ATP10B: variants seen among roughly 807,000 people sequenced by gnomAD.
The protein encoded by ATP10B is phospholipid-transporting ATPase VB.
ATP10B carries 122 observed loss-of-function variants against 141.2 expected under a neutral mutation model. The observed-to-expected ratio is 0.86, with a 90% confidence interval of 0.75 to 1.00. The LOEUF (loss-of-function observed/expected upper bound fraction) is 1.00, where lower values mean the gene tolerates loss of function less well. ATP10B is among the 50% of genes least tolerant of loss of function. The probability of loss-of-function intolerance (pLI) is 0.00; values close to 1 mark genes in which losing one functional copy is unlikely to be tolerated. For synonymous variants in ATP10B, 685 were observed against 692.0 expected (o/e 0.99, Z 0.16); for missense variants, 1,876 against 1,825.3 (o/e 1.03, Z -0.51).
rs1008484887 is a variant in ATP10B at position 160,618,055 on chromosome 5, A to G, written c.2417-82T>C. On this transcript the variant is annotated intron_variant, in intron 15 of 25. Transcript: ENST00000327245. ...TCCCCAATACCCTGGAATCTCCTGT[A>G]GTAGACTACAAATACTTTAGAGAAG... 28 of 1,075,462 alleles carry G rather than the reference A, an allele frequency of 2.6e-5. No individual in the cohort carries two copies. In the Admixed American group the frequency reaches 4.7e-4, roughly 18 times the overall value. 66.6% of individuals were successfully genotyped at this position (1,075,462 alleles called of 1,614,324 possible).
At chr5:160,597,776 C>A (rs1383341518) in intron 22 of ATP10B, among the ~76,000 whole-genome samples, 2 of 152,022 alleles carry the variant, frequency 1.3e-5, no homozygotes, top group Non-Finnish European at 2.9e-5. Flanking sequence ...ATTTACGCAG[C>A]CAAAAAACAT....
At chr5:160,755,835 AAAAATATATATATATATATATAT>A (rs1255364205) in intron 2 of ATP10B, among the ~76,000 whole-genome samples, 39 of 78,958 alleles carry the variant, frequency 4.9e-4, no homozygotes, top group African/African-American at 1.8e-3. Flanking sequence ...AAAAAAAAAA[AAAAATATATATATATATATATAT>A]ATATATATAT....
chr5:160,636,293 A>G lies in ATP10B; in HGVS notation c.1017T>C (p.Asn339=), dbSNP rs1367159917. 1 of 1,613,354 alleles carries G rather than the reference A, an allele frequency of 6.2e-7. No homozygotes were observed. Among genetic ancestry groups the G allele is most frequent in the Non-Finnish European group, 8.5e-7 (1 of 1,179,646 alleles). Residue 339 remains asparagine, a synonymous_variant, in exon 11 of 26, where the codon AAT becomes AAC. Coordinates refer to ENST00000327245, the MANE Select transcript of ATP10B (RefSeq NM_025153.3). The stretch of plus-strand genomic sequence containing the variant: ...AGGGAGGGTGTTCTTCAAAGGTCCC[A>G]TTCCAGATGCTGTGACCTGAGAGGA... ...LIGAVGHSIW[N]GTFEEHPPFD...
chr5:160,583,503 C>T (rs1365842274), intron 24 of ATP10B, among the ~76,000 whole-genome samples: 3 of 152,304 alleles, frequency 2.0e-5, no homozygotes, highest in African/African-American at 7.2e-5. Flanking sequence ...TGAGGTGTCT[C>T]CCAATCAGGA....
the ATP10B span, among the ~76,000 whole-genome samples, chr5:160,895,262 T>C: frequency 1.3e-5 from 2 of 151,736 alleles, no homozygotes; most frequent in Admixed American, 6.6e-5. Context: ...GACTGACAAA[T>C]TGGATAAAGA....
intron 13 of ATP10B, among the ~76,000 whole-genome samples, chr5:160,631,610 T>G (rs540542255): frequency 6.6e-6 from 1 of 152,278 alleles, no homozygotes; most frequent in Admixed American, 6.5e-5. Context: ...CAAACACACA[T>G]GCCTTACAGG....
At chr5:160,609,743 T>G (rs977667291) in intron 18 of ATP10B, among the ~76,000 whole-genome samples, 1 of 152,186 alleles carries the variant, frequency 6.6e-6, no homozygotes. Context: ...CCTTTTAAGA[T>G]GCTAAATTGA....
the ATP10B span, among the ~76,000 whole-genome samples, chr5:160,874,422 C>T: frequency 2.6e-5 from 4 of 151,824 alleles, no homozygotes; most frequent in South Asian, 2.1e-4. Context: ...GATAAAACCA[C>T]AAAGATGGGG....
chr5:160,846,233 T>C (rs1776107779), intron 1 of ATP10B, among the ~76,000 whole-genome samples: 2 of 152,164 alleles, frequency 1.3e-5, no homozygotes, highest in Admixed American at 1.3e-4. Context: ...TCTAGTACAA[T>C]ATCCAAGCAT....
At chr5:160,864,965 G>A in the ATP10B span, among the ~76,000 whole-genome samples, 1 of 152,052 alleles carries the variant, frequency 6.6e-6, no homozygotes, top group Non-Finnish European at 1.5e-5. Flanking sequence ...TCATGGATGG[G>A]TAGAATCAAT....
At chr5:160,718,488 T>C (rs1309009053) in intron 2 of ATP10B, among the ~76,000 whole-genome samples, 1 of 152,220 alleles carries the variant, frequency 6.6e-6, no homozygotes, top group Non-Finnish European at 1.5e-5. Flanking sequence ...GGGTAATTTA[T>C]AAAGAAAAGA....
chr5:160,729,607 C>T (rs1043505865), intron 2 of ATP10B, among the ~76,000 whole-genome samples: 9 of 152,100 alleles, frequency 5.9e-5, no homozygotes, highest in South Asian at 4.1e-4. Flanking sequence ...GAGGTGACAA[C>T]GGTAGTGGCA....
chr5:160,817,902 G>A (rs1051155529), intron 1 of ATP10B, among the ~76,000 whole-genome samples: 6 of 152,170 alleles, frequency 3.9e-5, no homozygotes, highest in African/African-American at 1.4e-4. Context: ...ATGCAGAAAC[G>A]ATTCCCTATT....
At chr5:160,851,523 A>G (rs967071473) in intron 1 of ATP10B, among the ~76,000 whole-genome samples, 1 of 152,164 alleles carries the variant, frequency 6.6e-6, no homozygotes, top group African/African-American at 2.4e-5. Flanking sequence ...GTTTATCAAG[A>G]TGAAATTGGG....
chr5:160,800,272 A>G (rs537149946), intron 1 of ATP10B, among the ~76,000 whole-genome samples: 2 of 152,328 alleles, frequency 1.3e-5, no homozygotes, highest in South Asian at 4.1e-4. Flanking sequence ...TAATCTCTCT[A>G]AGCCTCAGTT....
At chr5:160,823,672 A>C (rs990115808) in intron 1 of ATP10B, among the ~76,000 whole-genome samples, 1 of 152,050 alleles carries the variant, frequency 6.6e-6, no homozygotes, top group African/African-American at 2.4e-5. Context: ...CTGGCTACTA[A>C]AGATACAAAA....
chr5:160,601,568 G>A (rs1757099872), intron 21 of ATP10B, among the ~76,000 whole-genome samples: 1 of 152,166 alleles, frequency 6.6e-6, no homozygotes, highest in African/African-American at 2.4e-5. Flanking sequence ...GTTGGTATGT[G>A]TTTGCTTTAG....
the ATP10B span, among the ~76,000 whole-genome samples, chr5:160,887,340 A>G: frequency 1.3e-5 from 2 of 152,154 alleles, no homozygotes; most frequent in African/African-American, 4.8e-5. Flanking sequence ...GTTATACATT[A>G]TTGTTTAGGG....
At chr5:160,833,031 CAG>C (rs1460839233) in intron 1 of ATP10B, among the ~76,000 whole-genome samples, 1 of 152,106 alleles carries the variant, frequency 6.6e-6, no homozygotes, top group South Asian at 2.1e-4. Context: ...GGCAGGGAAT[CAG>C]AGAGAGATTT....
Sources: allele counts gnomAD v4.1 joint callset (sites outside exome capture counted in the v4.1 genomes callset), GRCh38; gene constraint gnomAD v4.1.1; transcripts MANE v1.5; gene names NCBI Gene and HGNC (gene_info 2026-07-23, HGNC 2026-07-21).